NFXL1: variants seen among roughly 807,000 people sequenced by gnomAD.
NFXL1 encodes nuclear transcription factor, X-box binding like 1.
Under a neutral mutation model 123.3 loss-of-function variants are expected in NFXL1, and 66 were observed. The ratio of observed to expected loss-of-function variants is 0.54; its 90% CI spans 0.44 to 0.66. The LOEUF (loss-of-function observed/expected upper bound fraction) is 0.66, where lower values mean the gene tolerates loss of function less well. Among genes scored for constraint, NFXL1 ranks in the 30% least tolerant of loss-of-function variants. The pLI is 0.00. For synonymous variants in NFXL1, 346 were observed against 360.8 expected (o/e 0.96, Z 0.46); for missense variants, 944 against 1,125.6 (o/e 0.84, Z 2.31).
intron 3 of NFXL1, among the ~76,000 whole-genome samples, chr4:47,907,063 T>C (rs534714265): frequency 5.1e-4 from 77 of 152,362 alleles, no homozygotes; most frequent in African/African-American, 1.8e-3. Flanking sequence ...AATTATCATA[T>C]GGATTTAATC....
At chr4:47,905,008 C>A (rs1737500778) in intron 4 of NFXL1, among the ~76,000 whole-genome samples, 1 of 152,072 alleles carries the variant, frequency 6.6e-6, no homozygotes. Flanking sequence ...TGCATTAAAA[C>A]TGAAGACAAC....
chr4:47,898,715 G>A (rs760965208), intron 8 of NFXL1, 42 bp downstream of exon 8: 1 of 1,272,260 alleles, frequency 7.9e-7, no homozygotes, highest in East Asian at 2.3e-5. Flanking sequence ...TATGCTTTCT[G>A]TACTCTTTAA....
rs1229968376 is a variant in NFXL1, at chr4:47,898,748, T to A, written c.1089+9A>T. 2.0e-6 allele frequency: 3 copies of A among 1,524,182 alleles called. No homozygotes were observed. The East Asian group carries it at 6.7e-5, about 34-fold the overall frequency. The allele number at this position is 1,524,182 out of a possible 1,614,324, so 94.4% of individuals were successfully genotyped here. ...TAATACCCACCCCTCAAAATGCATA[T>A]AAACTTACTTGATCACAGTGCCATA... On this transcript the variant is annotated intron_variant, in intron 8 of 22. Transcript: ENST00000507489.
intron 5 of NFXL1, among the ~76,000 whole-genome samples, 196 bp from the exon 6 acceptor site, chr4:47,899,744 T>C (rs1318202155): frequency 6.6e-6 from 1 of 152,242 alleles, no homozygotes; most frequent in Non-Finnish European, 1.5e-5. Flanking sequence ...CACAATACAA[T>C]GTGCTGAGAT....
chr4:47,892,443 A>G (rs1185958726), intron 11 of NFXL1, among the ~76,000 whole-genome samples: 1 of 152,196 alleles, frequency 6.6e-6, no homozygotes, highest in Non-Finnish European at 1.5e-5. Flanking sequence ...TTGGCTGAGT[A>G]CTGGTCTGTA....
chr4:47,899,231 CTT>C, intron 6 of NFXL1, 111 bp from the exon 7 acceptor site: 1 of 1,292,846 alleles, frequency 7.7e-7, no homozygotes, highest in Non-Finnish European at 1.1e-6. Context: ...TTTACTGACA[CTT>C]TACAAAAGGC....
rs148063892 is a variant in NFXL1 at position 47,878,536 on chromosome 4, C to T, written c.2068G>A (p.Gly690Arg). The part of the protein sequence containing the change: ...HKVTKTDGCT[G>R]KNKAGPECLH... Reference sequence around the variant, plus strand: ...TCTAAGAACATTACCTTGTTTTTTCCAGTGCAGCCATCAGTTTTGGTTACT... The same window carrying T: ...TCTAAGAACATTACCTTGTTTTTTCTAGTGCAGCCATCAGTTTTGGTTACT... The change falls in exon 17 of 23, where the codon GGA (glycine) becomes AGA (arginine). Residue 690 changes from glycine (G) to arginine (R), a missense_variant. Around this residue, in one of 4 missense-constraint regions of NFXL1, gnomAD observed 301 missense variants for 348.0 expected, o/e 0.86. Transcript: ENST00000507489. 2.0e-4 allele frequency: 312 copies of T among 1,573,586 alleles called. No individual in the cohort carries two copies. In the African/African-American group the frequency reaches 4.2e-3, roughly 21 times the overall value.
At chr4:47,861,553 C>T (rs1397315399) in intron 19 of NFXL1, among the ~76,000 whole-genome samples, 1 of 152,116 alleles carries the variant, frequency 6.6e-6, no homozygotes, top group African/African-American at 2.4e-5. Flanking sequence ...ATAAATCATA[C>T]CAGGTTACTA....
At chr4:47,897,570 T>C (rs2110097537) in intron 9 of NFXL1, among the ~76,000 whole-genome samples, 1 of 152,324 alleles carries the variant, frequency 6.6e-6, no homozygotes, top group African/African-American at 2.4e-5. Context: ...TTGTTATAAC[T>C]GATGTACTTA....
intron 9 of NFXL1, 37 bp from the exon 10 acceptor site, chr4:47,896,684 CA>C: frequency 6.9e-7 from 1 of 1,458,392 alleles, no homozygotes; most frequent in Non-Finnish European, 9.6e-7. Context: ...AATAATGAGA[CA>C]TTATTATTAA....
chr4:47,855,350 T>TTA (rs1343036155), intron 19 of NFXL1, among the ~76,000 whole-genome samples, 187 bp from the exon 20 acceptor site: 4 of 149,100 alleles, frequency 2.7e-5, no homozygotes, highest in Admixed American at 6.7e-5. Context: ...TATAATTTAA[T>TTA]TATATATATA....
Position 47,912,461 on chromosome 4 carries a change from CTT to C in NFXL1, c.236-1469_236-1468del, listed in dbSNP as rs11344755. Among the ~76,000 whole-genome samples the C allele has an allele frequency of 3.5e-3, 411 of 117,826 alleles. 1 individual carries two copies. The highest frequency in any genetic ancestry group is 8.5e-3 in the Middle Eastern group (2 of 234). The allele number at this position is 117,826 out of a possible 152,430, so 77.3% of individuals were successfully genotyped here. ...TGCTTGTTTTCTTTTTCTTTTCTTT[CTT>C]TTTTTTTTTTTTTTGAGACGGAGTC... is the stretch of plus-strand genomic sequence containing the variant. On this transcript the variant is annotated intron_variant, in intron 2 of 22. Transcript: ENST00000507489.
intron 3 of NFXL1, among the ~76,000 whole-genome samples, chr4:47,909,211 T>G (rs1185514803): frequency 2.6e-5 from 4 of 152,152 alleles, no homozygotes; most frequent in Non-Finnish European, 5.9e-5. Context: ...CTAAGCAATA[T>G]GTCAAACATC....
intron 3 of NFXL1, among the ~76,000 whole-genome samples, chr4:47,909,408 G>C (rs141679094): frequency 2.0e-5 from 3 of 152,120 alleles, no homozygotes; most frequent in Non-Finnish European, 2.9e-5. Flanking sequence ...CTAAAGCTAA[G>C]TCAACTAGGT....
At chr4:47,890,795 A>G in intron 11 of NFXL1, 92 bp from the exon 12 acceptor site, 2 of 669,936 alleles carry the variant, frequency 3.0e-6, no homozygotes, top group Non-Finnish European at 5.3e-6. Flanking sequence ...ATGGAAAGCA[A>G]AAGATACACT....
At chr4:47,907,960 C>A (rs1458798299) in intron 3 of NFXL1, among the ~76,000 whole-genome samples, 1 of 152,142 alleles carries the variant, frequency 6.6e-6, no homozygotes, top group African/African-American at 2.4e-5. Flanking sequence ...GACTTCTCAG[C>A]CAAACTTCCT....
chr4:47,870,346 T>G (rs1735356627), intron 18 of NFXL1, among the ~76,000 whole-genome samples: 1 of 152,198 alleles, frequency 6.6e-6, no homozygotes, highest in Admixed American at 6.5e-5. Flanking sequence ...TAAAATATCA[T>G]TTGGCAAATT....
At chr4:47,905,145 G>A in intron 4 of NFXL1, 92 bp downstream of exon 4, 3 of 525,938 alleles carry the variant, frequency 5.7e-6, no homozygotes, top group Non-Finnish European at 1.0e-5. Context: ...TTAAACATAA[G>A]TAAACAAAAG....
intron 12 of NFXL1, among the ~76,000 whole-genome samples, chr4:47,886,924 A>G (rs1235991067): frequency 6.6e-6 from 1 of 152,176 alleles, no homozygotes; most frequent in East Asian, 1.9e-4. Flanking sequence ...ATGACCTGAT[A>G]TTGGTTAGTA....
Sources: allele counts gnomAD v4.1 joint callset (sites outside exome capture counted in the v4.1 genomes callset), GRCh38; gene constraint gnomAD v4.1.1; regional missense constraint gnomAD v4.1.1; transcripts MANE v1.5; gene names NCBI Gene and HGNC (gene_info 2026-07-23, HGNC 2026-07-21).